NSUN3: variants seen among roughly 807,000 people sequenced by gnomAD.
The protein encoded by NSUN3 is NOP2/Sun RNA methyltransferase 3.
Under a neutral mutation model 36.8 loss-of-function variants are expected in NSUN3, and 24 were observed. That is an observed-to-expected ratio of 0.65 (90% CI 0.47 to 0.92). The LOEUF is 0.92. NSUN3 is among the 40% of genes least tolerant of loss of function. The probability of loss-of-function intolerance (pLI) is 0.00; values close to 1 mark genes in which losing one functional copy is unlikely to be tolerated. For missense variants in NSUN3, 381 were observed against 392.8 expected (o/e 0.97, Z 0.25); for synonymous variants, 146 against 145.2 (o/e 1.01, Z -0.04).
In NSUN3 at chr3:94,084,364, T is replaced by A; in HGVS notation, c.380T>A (p.Leu127Gln). Residue 127 changes from leucine (L) to glutamine (Q), a missense_variant, in exon 3 of 6, where the codon CTG becomes CAG. By Grantham distance (113) the Leu-to-Gln change is moderately radical. Coordinates refer to ENST00000314622, the MANE Select transcript of NSUN3 (RefSeq NM_022072.5). Reference protein sequence around the residue: ...NAASLLPVLALELRDGEKVLD... With the variant: ...NAASLLPVLAQELRDGEKVLD... ...GCTTCTCTTCTCCCAGTGTTGGCTC[T>A]GGAATTAAGGGATGGGGAGAAGGTT... 6.2e-7 allele frequency: 1 copy of A among 1,614,194 alleles called. No homozygotes were observed. Among genetic ancestry groups the A allele is most frequent in the Non-Finnish European group, 8.5e-7 (1 of 1,180,012 alleles).
chr3:94,115,483 T>G (rs1270530831), intron 5 of NSUN3, among the ~76,000 whole-genome samples: 1 of 152,216 alleles, frequency 6.6e-6, no homozygotes, highest in Non-Finnish European at 1.5e-5. Flanking sequence ...GGGGCTGTAA[T>G]CTTAATTTTT....
In NSUN3 at chr3:94,130,823, T is replaced by C. The variant is rs2077506268; in HGVS notation, c.*4333T>C. Among the ~76,000 whole-genome samples, 1 of 152,184 alleles carries C rather than the reference T, an allele frequency of 6.6e-6. No individual in the cohort carries two copies. The highest frequency in any genetic ancestry group is 2.4e-5 in the African/African-American group (1 of 41,460). On this transcript the variant is annotated 3_prime_UTR_variant, in exon 6 of 6. Transcript: ENST00000314622. ...TCCTAGCCACACAGTGGGAGCCTTGTTTGACCTTTTTTAACCTTTCCTGGT... is the reference window on the plus strand; with the variant it reads ...TCCTAGCCACACAGTGGGAGCCTTGCTTGACCTTTTTTAACCTTTCCTGGT...
chr3:94,095,608 AC>A (rs780971026), intron 5 of NSUN3, among the ~76,000 whole-genome samples: 11 of 152,178 alleles, frequency 7.2e-5, no homozygotes, highest in Non-Finnish European at 1.0e-4. Flanking sequence ...TTCCAGAAGG[AC>A]CTGGCCACTG....
chr3:94,114,117 T>C (rs931274045), intron 5 of NSUN3, among the ~76,000 whole-genome samples: 2 of 152,218 alleles, frequency 1.3e-5, no homozygotes, highest in Non-Finnish European at 2.9e-5. Context: ...TGGAGGTATA[T>C]AGTTATTTTT....
chr3:94,084,623 T>C (rs1576086412), intron 3 of NSUN3, 173 bp downstream of exon 3: 1 of 518,588 alleles, frequency 1.9e-6, no homozygotes, highest in East Asian at 3.0e-5. Flanking sequence ...TCAGTATAAA[T>C]AACATTTTTT....
chr3:94,075,939 CT>C, intron 2 of NSUN3: 1 of 1,502,938 alleles, frequency 6.7e-7, no homozygotes, highest in Non-Finnish European at 9.3e-7. Flanking sequence ...ATCCATATTC[CT>C]TCAGGGTCTT....
In NSUN3 at chr3:94,114,414, G is replaced by A. The variant is rs75256719; in HGVS notation, c.744-11797G>A. Among the ~76,000 whole-genome samples, 1,040 of 152,150 alleles carry A rather than the reference G, an allele frequency of 6.8e-3. 10 individuals are homozygous for A. Among genetic ancestry groups the A allele is most frequent in the African/African-American group, 0.024 (979 of 41,506 alleles). On this transcript the variant is annotated intron_variant, in intron 5 of 5. Coordinates refer to ENST00000314622, the MANE Select transcript of NSUN3 (RefSeq NM_022072.5). Reference sequence around the variant, plus strand: ...TTACCTTGTACATCTCACCTCATAAGGTTTTATTAAGACTCTGTCTGTGAA... The same window carrying A: ...TTACCTTGTACATCTCACCTCATAAAGTTTTATTAAGACTCTGTCTGTGAA...
chr3:94,076,879 G>A (rs962394080), intron 2 of NSUN3: 30 of 1,476,104 alleles, frequency 2.0e-5, no homozygotes, highest in Admixed American at 5.0e-5. Context: ...TCTCACTGTC[G>A]TAGTGTGATG....
chr3:94,099,242 A>T (rs548620731), intron 5 of NSUN3, among the ~76,000 whole-genome samples: 178 of 152,226 alleles, frequency 1.2e-3, no homozygotes, highest in African/African-American at 3.9e-3. Context: ...AGTTTTTTTT[A>T]AATCATTTAA....
chr3:94,122,613 G>C (rs1242150402), intron 5 of NSUN3, among the ~76,000 whole-genome samples: 1 of 152,022 alleles, frequency 6.6e-6, no homozygotes, highest in East Asian at 1.9e-4. Context: ...TATTCTATTA[G>C]TGGGGGAAAG....
chr3:94,076,691 T>A (rs1446090246), intron 2 of NSUN3: 2 of 1,246,870 alleles, frequency 1.6e-6, no homozygotes, highest in African/African-American at 3.0e-5. Flanking sequence ...TCCAGAAAGA[T>A]CTGGTTTAGG....
At chr3:94,102,217 A>AAC (rs1553852430) in intron 5 of NSUN3, among the ~76,000 whole-genome samples, 1 of 151,252 alleles carries the variant, frequency 6.6e-6, no homozygotes, top group East Asian at 1.9e-4. Context: ...AAAAAAAAAA[A>AAC]AAAAAAAACA....
intron 5 of NSUN3, among the ~76,000 whole-genome samples, chr3:94,106,099 TA>T (rs1467551174): frequency 6.6e-6 from 1 of 152,170 alleles, no homozygotes; most frequent in African/African-American, 2.4e-5. Flanking sequence ...GAAGAGGTAG[TA>T]AATGTGAAGT....
At chr3:94,090,609 T>C (rs1189936162) in intron 3 of NSUN3, among the ~76,000 whole-genome samples, 1 of 152,144 alleles carries the variant, frequency 6.6e-6, no homozygotes, top group East Asian at 1.9e-4. Context: ...TTTCCTGCGG[T>C]GTGACAGACT....
At chr3:94,096,426 T>C (rs1234725554) in intron 5 of NSUN3, among the ~76,000 whole-genome samples, 1 of 152,182 alleles carries the variant, frequency 6.6e-6, no homozygotes, top group African/African-American at 2.4e-5. Context: ...AGCTTTGAGA[T>C]GACCTAGACC....
chr3:94,072,755 T>C (rs753795529), intron 2 of NSUN3, among the ~76,000 whole-genome samples: 4 of 152,218 alleles, frequency 2.6e-5, no homozygotes, highest in Admixed American at 6.5e-5. Context: ...AAGAATGAGA[T>C]AGAGTAATTT....
At chr3:94,081,381 A>T (rs2077268143) in intron 2 of NSUN3, among the ~76,000 whole-genome samples, 1 of 152,240 alleles carries the variant, frequency 6.6e-6, no homozygotes, top group African/African-American at 2.4e-5. Context: ...TCCTCAGTAC[A>T]TGTCTTTAAA....
rs548733469 is a variant in NSUN3 at position 94,085,777 on chromosome 3, G to A, written c.466+1327G>A. On this transcript the variant is annotated intron_variant, in intron 3 of 5. Transcript: ENST00000314622. ...CTGTCCCAGAGAAAATTGTGTTACA[G>A]TTGTTTTACTGTTTCTTCACACTCC... Among the ~76,000 whole-genome samples the A allele has an allele frequency of 3.3e-5, 5 of 152,172 alleles. No homozygotes were observed. In the South Asian group the frequency reaches 1.0e-3, roughly 32 times the overall value.
chr3:94,115,614 A>G (rs2077436880), intron 5 of NSUN3, among the ~76,000 whole-genome samples: 1 of 152,212 alleles, frequency 6.6e-6, no homozygotes, highest in Admixed American at 6.5e-5. Context: ...TCTTCTGGTG[A>G]TAAGTCATGA....
Sources: gnomAD v4.1 joint callset for allele counts (sites outside exome capture counted in the v4.1 genomes callset) on GRCh38, gnomAD v4.1.1 for gene constraint, MANE v1.5 for transcripts, NCBI Gene and HGNC (gene_info 2026-07-23, HGNC 2026-07-21) for gene names.